The following NBDY variants were observed in gnomAD, a reference collection of about 807,000 sequenced individuals.
The protein encoded by NBDY is P-body dissociating protein.
intron 2 of NBDY, among the ~76,000 whole-genome samples, chrX:56,782,174 A>G (rs957976582): frequency 9.0e-6 from 1 of 110,852 alleles, no homozygotes; most frequent in Non-Finnish European, 1.9e-5. Flanking sequence ...ATCCTTCAGG[A>G]CAGCTACAGT....
At chrX:56,734,202 A>G (rs1489539434) in intron 2 of NBDY, among the ~76,000 whole-genome samples, 1 of 111,900 alleles carries the variant, frequency 8.9e-6, no homozygotes, top group African/African-American at 3.3e-5. Context: ...GTGATAACTC[A>G]GTGCAGGAAT....
intron 2 of NBDY, among the ~76,000 whole-genome samples, chrX:56,743,372 A>T: frequency 9.0e-6 from 1 of 111,248 alleles, no homozygotes; most frequent in Non-Finnish European, 1.9e-5. Context: ...GATTGATATT[A>T]GTTCTTCTTT....
intron 2 of NBDY, among the ~76,000 whole-genome samples, chrX:56,765,462 T>C (rs2069660712): frequency 1.8e-5 from 2 of 112,128 alleles, no homozygotes; most frequent in Non-Finnish European, 3.8e-5. Context: ...ATCAAAGCTT[T>C]TGATCTTACT....
chrX:56,739,435 A>T (rs959785464), intron 2 of NBDY, among the ~76,000 whole-genome samples: 1 of 106,379 alleles, frequency 9.4e-6, no homozygotes, highest in Non-Finnish European at 1.9e-5. Flanking sequence ...CACTTAGGAA[A>T]TAACAAGAGA....
chrX:56,751,163 A>G (rs1378943231), intron 2 of NBDY, among the ~76,000 whole-genome samples: 2 of 109,927 alleles, frequency 1.8e-5, no homozygotes. Context: ...ATGTGCCACT[A>G]GGGTTTTCTT....
intron 2 of NBDY, among the ~76,000 whole-genome samples, chrX:56,755,447 A>G (rs1286578684): frequency 5.3e-5 from 6 of 112,376 alleles, no homozygotes; most frequent in African/African-American, 1.9e-4. Flanking sequence ...TTTACAAGGA[A>G]AAAACAAACA....
intron 2 of NBDY, among the ~76,000 whole-genome samples, chrX:56,790,538 A>G (rs921744859): frequency 8.9e-6 from 1 of 112,443 alleles, no homozygotes; most frequent in Non-Finnish European, 1.9e-5. Context: ...AGTAGGTAGC[A>G]TGCACCACGG....
intron 2 of NBDY, among the ~76,000 whole-genome samples, chrX:56,781,210 C>G (rs1309028401): frequency 1.8e-5 from 2 of 111,908 alleles, no homozygotes. Flanking sequence ...AGTATCTTCT[C>G]CAGTAATGAC....
At chrX:56,787,133 C>T (rs959528034) in intron 2 of NBDY, among the ~76,000 whole-genome samples, 11 of 111,056 alleles carry the variant, frequency 9.9e-5, no homozygotes, top group African/African-American at 2.0e-4. Context: ...TGTCTCTGCA[C>T]GTCCATTTGC....
chrX:56,753,674 G>A (rs982756109), intron 2 of NBDY, among the ~76,000 whole-genome samples: 1 of 111,705 alleles, frequency 9.0e-6, no homozygotes. Context: ...AGCAGAAAAT[G>A]AGGATTCCTG....
At chrX:56,738,808 G>A (rs1207708535) in intron 2 of NBDY, among the ~76,000 whole-genome samples, 2 of 111,155 alleles carry the variant, frequency 1.8e-5, no homozygotes, top group Non-Finnish European at 3.8e-5. Flanking sequence ...TTGTCCTCTT[G>A]TGCTTTTTAT....
chrX:56,753,755 G>A (rs2069597127), intron 2 of NBDY, among the ~76,000 whole-genome samples: 1 of 109,572 alleles, frequency 9.1e-6, no homozygotes, highest in Admixed American at 9.7e-5. Context: ...TATAAGAGAA[G>A]GATTTAAAAG....
chrX:56,791,734 T>C (rs913407333), intron 2 of NBDY, among the ~76,000 whole-genome samples: 5 of 111,539 alleles, frequency 4.5e-5, no homozygotes, highest in Non-Finnish European at 9.4e-5. Context: ...GACCTTTCTG[T>C]TCTTGTTCTC....
intron 2 of NBDY, among the ~76,000 whole-genome samples, chrX:56,793,784 G>A (rs972161927): frequency 5.4e-5 from 6 of 110,796 alleles, no homozygotes; most frequent in African/African-American, 2.0e-4. Context: ...CTTTAGGAAA[G>A]GGCAGTCAGG....
intron 2 of NBDY, among the ~76,000 whole-genome samples, chrX:56,801,860 A>G (rs1184682619): frequency 1.8e-5 from 2 of 110,736 alleles, no homozygotes; most frequent in Non-Finnish European, 3.8e-5. Context: ...ACACAACCAC[A>G]TGGACTCACA....
chrX:56,757,340 TAAG>T (rs1311083894), intron 2 of NBDY, among the ~76,000 whole-genome samples: 2 of 112,130 alleles, frequency 1.8e-5, no homozygotes, highest in South Asian at 3.7e-4. Context: ...GTTGATTAAA[TAAG>T]AAGGCAGCAT....
intron 2 of NBDY, among the ~76,000 whole-genome samples, chrX:56,789,065 C>T (rs867985571): frequency 4.4e-5 from 5 of 112,853 alleles, no homozygotes; most frequent in Non-Finnish European, 9.4e-5. Flanking sequence ...ATGGCAGTCA[C>T]GTCTTTTCCT....
At chrX:56,765,729 C>T (rs2069662071) in intron 2 of NBDY, among the ~76,000 whole-genome samples, 1 of 110,825 alleles carries the variant, frequency 9.0e-6, no homozygotes, top group East Asian at 2.8e-4. Flanking sequence ...TCCTCCAACT[C>T]CTTCTTATCT....
At chrX:56,744,846 TAAC>T (rs1023601384) in intron 2 of NBDY, among the ~76,000 whole-genome samples, 1 of 111,505 alleles carries the variant, frequency 9.0e-6, no homozygotes, top group African/African-American at 3.3e-5. Flanking sequence ...AATACAAGAT[TAAC>T]AACAACAGTA....
Sources: allele counts gnomAD v4.1 joint callset (sites outside exome capture counted in the v4.1 genomes callset), GRCh38; gene constraint gnomAD v4.1.1; transcripts MANE v1.5; gene names NCBI Gene and HGNC (gene_info 2026-07-23, HGNC 2026-07-21).